Variants in FEZ2 observed in about 807,000 individuals in gnomAD.
The protein encoded by FEZ2 is fasciculation and elongation protein zeta 2, also known as fasciculation and elongation protein zeta-2.
In FEZ2, 51 loss-of-function variants were observed where a neutral mutation model predicts 40.4. The ratio of observed to expected loss-of-function variants is 1.26; its 90% confidence interval spans 1.01 to 1.59. The LOEUF is 1.59. Ranked by LOEUF, FEZ2 falls within the 40% of genes most tolerant of loss-of-function variation. The probability of loss-of-function intolerance (pLI) is 0.00; values close to 1 mark genes in which losing one functional copy is unlikely to be tolerated. For missense variants in FEZ2, 640 were observed against 438.3 expected (o/e 1.46, Z -4.11); for synonymous variants, 242 against 172.0 (o/e 1.41, Z -3.18).
chr2:36,597,462 C>A (rs1473633856), intron 1 of FEZ2, among the ~76,000 whole-genome samples: 2 of 152,220 alleles, frequency 1.3e-5, no homozygotes, highest in Admixed American at 6.5e-5. Context: ...AGTGCCCAGT[C>A]GTTTTGGTGT....
At position 36,578,665 on chromosome 2, in the gene FEZ2, T is replaced by G. The variant is rs1326207441; in HGVS notation, c.835A>C (p.Lys279Gln). ...CTGCCATTTTTTAGTTTCTTTTTCT[T>G]TTTTGCTGTTTCTTTGTGCTCTTTC... is the stretch of plus-strand genomic sequence containing the variant. ...KQKEHKETAKKKKKLKNGSSQ... is the reference protein window; with the variant it reads ...KQKEHKETAKQKKKLKNGSSQ... The change falls in exon 5 of 8, where the codon AAG (lysine) becomes CAG (glutamine). Residue 279 changes from lysine (K) to glutamine (Q), a missense_variant. Lys to Gln is a moderately conservative substitution (Grantham distance 53, BLOSUM62 1). Transcript: ENST00000405912. 6.2e-7 allele frequency: 1 copy of G among 1,613,818 alleles called. No homozygotes were observed. Among genetic ancestry groups the G allele is most frequent in the Non-Finnish European group, 8.5e-7 (1 of 1,179,850 alleles).
At chr2:36,567,857 A>C (rs1668291531) in intron 5 of FEZ2, among the ~76,000 whole-genome samples, 1 of 152,148 alleles carries the variant, frequency 6.6e-6, no homozygotes, top group Non-Finnish European at 1.5e-5. Flanking sequence ...GAAAAGAGAG[A>C]CCAGGGCAGT....
chr2:36,597,768 G>C (rs891915637), intron 1 of FEZ2, 109 bp downstream of exon 1: 2 of 847,652 alleles, frequency 2.4e-6, no homozygotes, highest in East Asian at 6.7e-5. Context: ...GGGGACTCCC[G>C]CGTCCGGGCG....
intron 3 of FEZ2, chr2:36,581,667 A>G (rs141401270): frequency 2.9e-4 from 127 of 437,522 alleles, no homozygotes; most frequent in Admixed American, 8.5e-4. Context: ...TGGATTTACT[A>G]CGTCCATCAT....
chr2:36,559,326 T>C (rs1413644061), intron 5 of FEZ2: 2 of 152,176 alleles, frequency 1.3e-5, no homozygotes, highest in Non-Finnish European at 2.9e-5. Context: ...ACCAAAAAAA[T>C]AGTTCCGTGC....
chr2:36,552,301 G>C lies in FEZ2; in HGVS notation c.*862C>G, dbSNP rs536771747. On this transcript the variant is annotated 3_prime_UTR_variant, in exon 8 of 8. Transcript: ENST00000405912. ...TTTATTAAATGCCATTGATTTGACTGGAACCAGCAAAAGTGCTCATGATAT... is the reference window on the plus strand; with the variant it reads ...TTTATTAAATGCCATTGATTTGACTCGAACCAGCAAAAGTGCTCATGATAT... The C allele has an allele frequency of 2.3e-6, 1 of 427,686 alleles. No homozygotes were observed. Among genetic ancestry groups the C allele is most frequent in the African/African-American group, 2.1e-5 (1 of 48,306 alleles). The allele number at this position is 427,686 out of a possible 1,614,324, so 26.5% of individuals were successfully genotyped here.
rs113182836 is a variant in FEZ2 at position 36,597,869 on chromosome 2, G to T, written c.266+8C>A. 2 of 1,355,266 alleles carry T rather than the reference G, an allele frequency of 1.5e-6. No individual in the cohort carries two copies. Among genetic ancestry groups the T allele is most frequent in the Non-Finnish European group, 1.9e-6 (2 of 1,058,840 alleles). 84.0% of individuals were successfully genotyped at this position (1,355,266 alleles called of 1,614,324 possible). ...CCCGCCCACTCCCGGCCGGGGCCCC[G>T]CACTCACTCGTCCCCCTGCAGGAGG... On this transcript the variant is annotated splice_region_variant and intron_variant, in intron 1 of 7. Coordinates refer to ENST00000405912, the MANE Select transcript of FEZ2 (RefSeq NM_005102.3).
chr2:36,564,030 C>A (rs1668165642), intron 5 of FEZ2, among the ~76,000 whole-genome samples: 2 of 152,164 alleles, frequency 1.3e-5, no homozygotes, highest in Admixed American at 1.3e-4. Flanking sequence ...TTATCATGCA[C>A]CCCCTCTGGG....
chr2:36,560,770 A>C, intron 5 of FEZ2: 1 of 1,539,646 alleles, frequency 6.5e-7, no homozygotes, highest in South Asian at 1.2e-5. Context: ...GAGGAAAATA[A>C]GGATAACCGA....
chr2:36,597,745 G>C, intron 1 of FEZ2, 132 bp downstream of exon 1: 2 of 623,598 alleles, frequency 3.2e-6, no homozygotes, highest in South Asian at 5.2e-5. Context: ...CCGGAGGAAG[G>C]AGGCGAGAGG....
At chr2:36,589,184 A>C (rs1383495202) in intron 2 of FEZ2, among the ~76,000 whole-genome samples, 2 of 152,240 alleles carry the variant, frequency 1.3e-5, no homozygotes, top group African/African-American at 2.4e-5. Flanking sequence ...GGGAAGTCAC[A>C]ATCTAGTGAC....
At position 36,597,913 on chromosome 2, in the gene FEZ2, CG is replaced by C; in HGVS notation, c.229del (p.Arg77GlyfsTer18). 7.0e-7 allele frequency: 1 copy of C among 1,418,802 alleles called. No individual in the cohort carries two copies. Among genetic ancestry groups the C allele is most frequent in the Non-Finnish European group, 9.1e-7 (1 of 1,094,248 alleles). 87.9% of individuals were successfully genotyped at this position (1,418,802 alleles called of 1,614,324 possible). ...PGAEPPRTAV[R>X]PITERSLLQG... is the part of the protein sequence containing the mutation. ...CAGGAGGCTGCGCTCCGTGATGGGC[CG>C]CACGGCCGTCCTCGGGGGCTCGGCG... is the stretch of plus-strand genomic sequence containing the variant. On this transcript the variant is annotated frameshift_variant, in exon 1 of 8. Transcript: ENST00000405912. LOFTEE classifies it high-confidence loss of function.
chr2:36,577,156 C>T (rs1435731204), intron 5 of FEZ2, among the ~76,000 whole-genome samples: 1 of 151,846 alleles, frequency 6.6e-6, no homozygotes, highest in Non-Finnish European at 1.5e-5. Context: ...TTTCAGAGTA[C>T]TCACTAGGAA....
At chr2:36,584,537 T>G (rs965960992) in intron 2 of FEZ2, among the ~76,000 whole-genome samples, 6 of 152,256 alleles carry the variant, frequency 3.9e-5, no homozygotes, top group African/African-American at 1.4e-4. Context: ...ATGACATGAC[T>G]ATTCAGGTGT....
chr2:36,597,821 T>C, intron 1 of FEZ2, 56 bp downstream of exon 1: 1 of 1,262,712 alleles, frequency 7.9e-7, no homozygotes, highest in African/African-American at 1.6e-5. Flanking sequence ...GGGCTGCCGG[T>C]CGGGCGAGGG....
chr2:36,595,094 T>C (rs894245888), intron 1 of FEZ2, among the ~76,000 whole-genome samples: 1 of 152,222 alleles, frequency 6.6e-6, no homozygotes, highest in African/African-American at 2.4e-5. Context: ...TCCTGCAGAA[T>C]ACTCTTATAA....
At position 36,574,474 on chromosome 2, in the gene FEZ2, C is replaced by T. The variant is rs1048105454; in HGVS notation, c.903+4123G>A. The stretch of plus-strand genomic sequence containing the variant: ...ATTAGGGACATAAAACAGAGATAGG[C>T]ATGAAAACAAAAAATTGCAGTATGA... On this transcript the variant is annotated intron_variant, in intron 5 of 7. Transcript: ENST00000405912. 2.7e-5 allele frequency among the ~76,000 whole-genome samples: 4 copies of T among 150,652 alleles called. No individual in the cohort carries two copies. The South Asian group carries it at 6.3e-4, about 24-fold the overall frequency.
At chr2:36,554,090 C>A in intron 7 of FEZ2, 1 of 386,706 alleles carries the variant, frequency 2.6e-6, no homozygotes, top group Non-Finnish European at 5.3e-6. Flanking sequence ...CCTCACAATA[C>A]AAAGCCAAGA....
At position 36,569,850 on chromosome 2, in the gene FEZ2, T is replaced by G. The variant is rs183117773; in HGVS notation, c.903+8747A>C. Among the ~76,000 whole-genome samples, 509 of 152,282 alleles carry G rather than the reference T, an allele frequency of 3.3e-3. 7 individuals are homozygous for G. Among genetic ancestry groups the G allele is most frequent in the African/African-American group, 0.012 (486 of 41,562 alleles). On this transcript the variant is annotated intron_variant, in intron 5 of 7. Transcript: ENST00000405912. ...TCAAAGCTCAATGACAGAAAAAAGGTTTGAAAAAGCACTCAAGGAATGCTT... is the reference window on the plus strand; with the variant it reads ...TCAAAGCTCAATGACAGAAAAAAGGGTTGAAAAAGCACTCAAGGAATGCTT...
Sources: allele counts gnomAD v4.1 joint callset (sites outside exome capture counted in the v4.1 genomes callset), GRCh38; gene constraint gnomAD v4.1.1; transcripts MANE v1.5; gene names NCBI Gene and HGNC (gene_info 2026-07-23, HGNC 2026-07-21).